Variants in AGAP1 observed in about 807,000 individuals in gnomAD.
AGAP1 encodes the protein ArfGAP with GTPase domain, ankyrin repeat and PH domain 1.
In AGAP1, 29 loss-of-function variants were observed where a neutral mutation model predicts 105.3. The ratio of observed to expected loss-of-function variants is 0.28; its 90% confidence interval spans 0.21 to 0.38. The LOEUF (loss-of-function observed/expected upper bound fraction) is 0.38, where lower values mean the gene tolerates loss of function less well. Among genes scored for constraint, AGAP1 ranks in the 10% least tolerant of loss-of-function variants. The probability of loss-of-function intolerance (pLI) is 1.00; values close to 1 mark genes in which losing one functional copy is unlikely to be tolerated. For synonymous variants in AGAP1, 509 were observed against 485.9 expected (o/e 1.05, Z -0.63); for missense variants, 998 against 1,165.1 (o/e 0.86, Z 2.09).
At chr2:235,974,617 G>T (rs995463970) in intron 13 of AGAP1, among the ~76,000 whole-genome samples, 1 of 152,216 alleles carries the variant, frequency 6.6e-6, no homozygotes, top group African/African-American at 2.4e-5. Context: ...AGATTCTCCT[G>T]TAGAGGGTAA....
intron 1 of AGAP1, among the ~76,000 whole-genome samples, chr2:235,685,947 TG>T (rs1949359919): frequency 6.6e-6 from 1 of 151,944 alleles, no homozygotes; most frequent in African/African-American, 2.4e-5. Context: ...CCACTCAAAG[TG>T]GGGAGGGGGC....
At position 235,963,367 on chromosome 2, in the gene AGAP1, G is replaced by A. The variant is rs549763222; in HGVS notation, c.1484-5095G>A. On this transcript the variant is annotated intron_variant, in intron 12 of 17. Coordinates refer to ENST00000304032, the MANE Select transcript of AGAP1 (RefSeq NM_001037131.3). This position sits in a 1 kb window ranked among gnomAD's most constrained non-coding sequence, Gnocchi z 5.1. ...CCAGTGAGTCAGGTCACAACCAGGT[G>A]GGATTCTGAATTCAGTTGTTAAAGG... Among the ~76,000 whole-genome samples the A allele has an allele frequency of 1.0e-3, 155 of 152,238 alleles. No homozygotes were observed. The highest frequency in any genetic ancestry group is 3.7e-3 in the African/African-American group (152 of 41,530).
chr2:235,793,726 A>G lies in AGAP1; in HGVS notation c.674-4033A>G, dbSNP rs1307528320. On this transcript the variant is annotated intron_variant, in intron 6 of 17. Transcript: ENST00000304032. This position sits in a 1 kb window ranked among gnomAD's most constrained non-coding sequence, Gnocchi z 5.3. ...GCGTGAGGTTGGCCCGGAGGCTCCT[A>G]GTGTGACCAAGGGCTATTCCTTGCC... Among the ~76,000 whole-genome samples the G allele has an allele frequency of 1.3e-5, 2 of 152,146 alleles. No homozygotes were observed. Among genetic ancestry groups the G allele is most frequent in the Non-Finnish European group, 2.9e-5 (2 of 68,022 alleles).
chr2:235,536,541 A>C (rs1041239655), intron 1 of AGAP1, among the ~76,000 whole-genome samples: 1 of 147,190 alleles, frequency 6.8e-6, no homozygotes. Context: ...ACACATACAC[A>C]TACAGCAGGA....
chr2:236,029,421 G>A (rs1221205457), intron 13 of AGAP1, among the ~76,000 whole-genome samples: 1 of 148,848 alleles, frequency 6.7e-6, no homozygotes, highest in Non-Finnish European at 1.5e-5. Flanking sequence ...TATTACAGGT[G>A]CGTGCCACCA....
rs181611751 is a variant in AGAP1 at position 235,949,737 on chromosome 2, C to T, written c.1484-18725C>T. On this transcript the variant is annotated intron_variant, in intron 12 of 17. Coordinates refer to ENST00000304032, the MANE Select transcript of AGAP1 (RefSeq NM_001037131.3). ...AACAAAAGCAAAACATGAGTTGGTC[C>T]AGCTGCATAAACAGCCTTGGGGCTG... 2.6e-5 allele frequency among the ~76,000 whole-genome samples: 4 copies of T among 152,146 alleles called. 1 individual carries two copies. The highest frequency in any genetic ancestry group is 1.3e-4 in the Admixed American group (2 of 15,280).
rs557453187 is a variant in AGAP1 at position 236,101,644 on chromosome 2, C to A, written c.2115-18548C>A. Reference sequence around the variant, plus strand: ...CCGGAGCGGAGGAAAAGGGCCATTTCTCTTCCCTTATCTGTTTATGATGCG... The same window carrying A: ...CCGGAGCGGAGGAAAAGGGCCATTTATCTTCCCTTATCTGTTTATGATGCG... On this transcript the variant is annotated intron_variant, in intron 16 of 17. Transcript: ENST00000304032. The surrounding 1 kb of genome is among the most constrained non-coding windows in gnomAD (Gnocchi z 4.9). Among the ~76,000 whole-genome samples, 30 of 152,328 alleles carry A rather than the reference C, an allele frequency of 2.0e-4. No individual in the cohort carries two copies. Among genetic ancestry groups the A allele is most frequent in the South Asian group, 1.4e-3 (7 of 4,832 alleles).
chr2:236,052,802 AAAG>A (rs2125721511), intron 16 of AGAP1, among the ~76,000 whole-genome samples: 1 of 152,328 alleles, frequency 6.6e-6, no homozygotes, highest in East Asian at 1.9e-4. Context: ...TAATTTGGAA[AAAG>A]AAGCACGTTA....
In AGAP1 at chr2:235,891,903, C is replaced by T. The variant is rs2124917889; in HGVS notation, c.1155+8454C>T. ...GTGTGGTGGCTCACACCTGTAATCC[C>T]AGCACTTTGGGAGGCTGAGGTGGAT... On this transcript the variant is annotated intron_variant, in intron 10 of 17. Coordinates refer to ENST00000304032, the MANE Select transcript of AGAP1 (RefSeq NM_001037131.3). The surrounding 1 kb of genome is among the most constrained non-coding windows in gnomAD (Gnocchi z 4.2). Among the ~76,000 whole-genome samples, 3 of 152,272 alleles carry T rather than the reference C, an allele frequency of 2.0e-5. 1 individual carries two copies. The South Asian group carries it at 6.2e-4, about 32-fold the overall frequency.
At chr2:235,949,529 A>G (rs2053641702) in intron 12 of AGAP1, among the ~76,000 whole-genome samples, 1 of 152,042 alleles carries the variant, frequency 6.6e-6, no homozygotes, top group African/African-American at 2.4e-5. Flanking sequence ...TTTCTTCACA[A>G]CTGAACAGAT....
intron 13 of AGAP1, among the ~76,000 whole-genome samples, chr2:236,032,076 G>T (rs1210531962): frequency 6.6e-6 from 1 of 152,194 alleles, no homozygotes; most frequent in Non-Finnish European, 1.5e-5. Flanking sequence ...GACCATTTGA[G>T]TTGTCAGTTC....
chr2:235,756,198 G>A (rs1341771216), intron 6 of AGAP1, among the ~76,000 whole-genome samples: 1 of 152,184 alleles, frequency 6.6e-6, no homozygotes, highest in African/African-American at 2.4e-5. Flanking sequence ...TTCCTGAGTA[G>A]CGTGTTCGGA....
intron 9 of AGAP1, among the ~76,000 whole-genome samples, chr2:235,840,477 A>G (rs1180689263): frequency 6.6e-6 from 1 of 152,190 alleles, no homozygotes; most frequent in East Asian, 1.9e-4. Flanking sequence ...TTTAGAAGCC[A>G]TGCACTGTGG....
At position 235,882,422 on chromosome 2, in the gene AGAP1, C is replaced by T. The variant is rs1008557922; in HGVS notation, c.1051-923C>T. ...CTTTGGTCGGCAGGGTGTTCTTCTC[C>T]TGCGTCTCCGTTTTCTTCAGCTTGG... On this transcript the variant is annotated intron_variant, in intron 9 of 17. Coordinates refer to ENST00000304032, the MANE Select transcript of AGAP1 (RefSeq NM_001037131.3). The surrounding 1 kb of genome is among the most constrained non-coding windows in gnomAD (Gnocchi z 4.6). 6 of 1,585,288 alleles carry T rather than the reference C, an allele frequency of 3.8e-6. No homozygotes were observed. The highest frequency in any genetic ancestry group is 2.7e-5 in the African/African-American group (2 of 74,146).
rs921706943 is a variant in AGAP1 at position 235,577,261 on chromosome 2, G to A, written c.163+82412G>A. Among the ~76,000 whole-genome samples the A allele has an allele frequency of 2.6e-5, 4 of 152,172 alleles. No homozygotes were observed. The highest frequency in any genetic ancestry group is 4.4e-5 in the Non-Finnish European group (3 of 68,034). On this transcript the variant is annotated intron_variant, in intron 1 of 17. Coordinates refer to ENST00000304032, the MANE Select transcript of AGAP1 (RefSeq NM_001037131.3). The surrounding 1 kb of genome is among the most constrained non-coding windows in gnomAD (Gnocchi z 4.5). ...TTGCAATTATCTGGAATTTGTGGAC[G>A]AGGTTTGCTATAATCCTGTTTGGTA...
At chr2:235,772,410 A>G (rs904696770) in intron 6 of AGAP1, among the ~76,000 whole-genome samples, 1 of 152,182 alleles carries the variant, frequency 6.6e-6, no homozygotes, top group Non-Finnish European at 1.5e-5. Context: ...GCTGTTGACA[A>G]ATAGCTCCTC....
At chr2:235,802,940 TGTAATG>T in intron 8 of AGAP1, among the ~76,000 whole-genome samples, 1 of 26,058 alleles carries the variant, frequency 3.8e-5, no homozygotes, top group Non-Finnish European at 8.3e-5. Flanking sequence ...TTATGATGGT[TGTAATG>T]GTGGTGATGA....
At chr2:236,094,273 A>T (rs184434067) in intron 16 of AGAP1, among the ~76,000 whole-genome samples, 7 of 152,010 alleles carry the variant, frequency 4.6e-5, no homozygotes, top group African/African-American at 1.7e-4. Flanking sequence ...TGGGCAACAT[A>T]ATGAGACTCT....
intron 10 of AGAP1, among the ~76,000 whole-genome samples, chr2:235,890,364 C>T (rs2050479107): frequency 6.6e-6 from 1 of 152,048 alleles, no homozygotes; most frequent in Non-Finnish European, 1.5e-5. Context: ...GTTGCCCAAG[C>T]TGGTCTCAAA....
Sources: gnomAD v4.1 joint callset for allele counts (sites outside exome capture counted in the v4.1 genomes callset) on GRCh38, gnomAD v4.1.1 for gene constraint, Gnocchi (gnomAD v3.1) non-coding constraint, MANE v1.5 for transcripts, NCBI Gene and HGNC (gene_info 2026-07-23, HGNC 2026-07-21) for gene names.